Variants in DIPK2A observed in about 807,000 individuals in gnomAD.
DIPK2A encodes Golgi Protein of 49 kDa.
In DIPK2A, 27 loss-of-function variants were observed where a neutral mutation model predicts 39.0. That is an observed-to-expected ratio of 0.69 (90% CI 0.51 to 0.96). The LOEUF (loss-of-function observed/expected upper bound fraction) is 0.96. Ranked by LOEUF, DIPK2A falls within the 40% of genes least tolerant of loss-of-function variation. The pLI is 0.00. For synonymous variants in DIPK2A, 298 were observed against 240.8 expected (o/e 1.24, Z -2.20); for missense variants, 528 against 571.3 (o/e 0.92, Z 0.77).
At chr3:143,973,368 C>T (rs187209208) in intron 1 of DIPK2A, 51 of 1,546,904 alleles carry the variant, frequency 3.3e-5, no homozygotes, top group Middle Eastern at 1.7e-4. Flanking sequence ...GCAGACTGTT[C>T]ACGAGCCCTT....
At chr3:143,978,602 CTATA>C (rs57854747) in intron 1 of DIPK2A, 3 of 137,538 alleles carry the variant, frequency 2.2e-5, no homozygotes, top group Admixed American at 7.4e-5. Flanking sequence ...ATCTATCTAT[CTATA>C]TATATATATC....
chr3:143,972,017 G>A lies in DIPK2A; in HGVS notation c.-316G>A, dbSNP rs907343836. Reference sequence around the variant, plus strand: ...ACGGGCGCGCGACCGTCGGGTCCCCGCGCTCCCTCCCCCTCCCGCTCCTCT... The same window carrying A: ...ACGGGCGCGCGACCGTCGGGTCCCCACGCTCCCTCCCCCTCCCGCTCCTCT... On this transcript the variant is annotated 5_prime_UTR_variant, in exon 1 of 3. Coordinates refer to ENST00000315691, the MANE Select transcript of DIPK2A (RefSeq NM_173552.5). 1 of 310,668 alleles carries A rather than the reference G, an allele frequency of 3.2e-6. No homozygotes were observed. The highest frequency in any genetic ancestry group is 5.9e-6 in the Non-Finnish European group (1 of 169,816). 19.2% of individuals were successfully genotyped at this position (310,668 alleles called of 1,614,324 possible).
At position 143,972,153 on chromosome 3, in the gene DIPK2A, C is replaced by T. The variant is rs2087657795; in HGVS notation, c.-180C>T. ...TGACTGGGAGAAGTCGCAGCCCGCT[C>T]AGGCCCGCGCCTTCCCGCTCCCCGT... is the stretch of plus-strand genomic sequence containing the variant. On this transcript the variant is annotated 5_prime_UTR_variant, in exon 1 of 3. Coordinates refer to ENST00000315691, the MANE Select transcript of DIPK2A (RefSeq NM_173552.5). 4.3e-6 allele frequency: 2 copies of T among 465,942 alleles called. No homozygotes were observed. Among genetic ancestry groups the T allele is most frequent in the East Asian group, 7.1e-5 (2 of 28,322 alleles). 28.9% of individuals were successfully genotyped at this position (465,942 alleles called of 1,614,324 possible).
chr3:143,991,011 A>G lies in DIPK2A; in HGVS notation c.*1170A>G, dbSNP rs2087978876. 1 of 152,354 alleles carries G rather than the reference A, an allele frequency of 6.6e-6. No individual in the cohort carries two copies. Among genetic ancestry groups the G allele is most frequent in the Non-Finnish European group, 1.5e-5 (1 of 67,994 alleles). 9.4% of individuals were successfully genotyped at this position (152,354 alleles called of 1,614,324 possible). The stretch of plus-strand genomic sequence containing the variant: ...CTTTTCATTTATTGAGGAACTAATC[A>G]TTATTACTATAAAGCATACAAATTA... On this transcript the variant is annotated 3_prime_UTR_variant, in exon 3 of 3. Transcript: ENST00000315691.
Position 143,991,355 on chromosome 3 carries a change from A to G in DIPK2A, c.*1514A>G, listed in dbSNP as rs912288540. 2.0e-5 allele frequency: 3 copies of G among 152,652 alleles called. No homozygotes were observed. Among genetic ancestry groups the G allele is most frequent in the Non-Finnish European group, 2.9e-5 (2 of 68,006 alleles). The allele number at this position is 152,652 out of a possible 1,614,324, so 9.5% of individuals were successfully genotyped here. On this transcript the variant is annotated 3_prime_UTR_variant, in exon 3 of 3. Coordinates refer to ENST00000315691, the MANE Select transcript of DIPK2A (RefSeq NM_173552.5). ...CCAGGCACGTTACTAGCTGCTACAT[A>G]CTGTCTGAACATGACATACGGTTAA...
chr3:143,985,530 A>G lies in DIPK2A; in HGVS notation c.658-13A>G, dbSNP rs185507543. On this transcript the variant is annotated splice_polypyrimidine_tract_variant and intron_variant, in intron 1 of 2. Transcript: ENST00000315691. Reference sequence around the variant, plus strand: ...TCAGAATCTCTTGTAATATTAAGATAATTCTTTTGTAGAGTTTTCCGTCTG... The same window carrying G: ...TCAGAATCTCTTGTAATATTAAGATGATTCTTTTGTAGAGTTTTCCGTCTG... 1 of 1,604,844 alleles carries G rather than the reference A, an allele frequency of 6.2e-7. No individual in the cohort carries two copies. Among genetic ancestry groups the G allele is most frequent in the Admixed American group, 1.7e-5 (1 of 59,628 alleles).
intron 1 of DIPK2A, among the ~76,000 whole-genome samples, chr3:143,979,608 C>A (rs1465055599): frequency 6.6e-6 from 1 of 151,976 alleles, no homozygotes; most frequent in African/African-American, 2.4e-5. Context: ...TGTATATACC[C>A]CTGGGACACA....
Position 143,972,700 on chromosome 3 carries a change from A to G in DIPK2A, c.368A>G (p.Gln123Arg), listed in dbSNP as rs2087672334. Residue 123 changes from glutamine to arginine, a missense_variant, in exon 1 of 3, where the codon CAG becomes CGG. By Grantham distance (43) the Gln-to-Arg change is conservative. Transcript: ENST00000315691. Reference sequence around the variant, plus strand: ...CAGCGCGAGCTGGCGCAGCTCGACCAGAGCATCTGCAAGCGGGCCACCGGC... The same window carrying G: ...CAGCGCGAGCTGGCGCAGCTCGACCGGAGCATCTGCAAGCGGGCCACCGGC... ...GSQRELAQLD[Q>R]SICKRATGRP... 6.2e-7 allele frequency: 1 copy of G among 1,605,950 alleles called. No individual in the cohort carries two copies. Among genetic ancestry groups the G allele is most frequent in the East Asian group, 2.2e-5 (1 of 44,702 alleles).
At chr3:143,973,886 C>T (rs2087693486) in intron 1 of DIPK2A, among the ~76,000 whole-genome samples, 1 of 152,154 alleles carries the variant, frequency 6.6e-6, no homozygotes, top group South Asian at 2.1e-4. Context: ...AAAACAAAAA[C>T]ACTGTTTACT....
At position 143,972,407 on chromosome 3, in the gene DIPK2A, G is replaced by A. The variant is rs1407715263; in HGVS notation, c.75G>A (p.Leu25=). 2.0e-6 allele frequency: 3 copies of A among 1,503,740 alleles called. No homozygotes were observed. The highest frequency in any genetic ancestry group is 1.4e-5 in the African/African-American group (1 of 70,102). 93.1% of individuals were successfully genotyped at this position (1,503,740 alleles called of 1,614,324 possible). A position where few individuals can be genotyped will look rare whatever the true frequency, so the allele number is the denominator to read the frequency against. The change falls in exon 1 of 3, where the codon TTG becomes TTA. Residue 25 remains leucine (L), a synonymous_variant. Transcript: ENST00000315691. ...AGCTGGCGGCGCTGGGCAGCCTGTT[G>A]GTGCTGATGGTGCTGCACTCGCCGT... The part of the protein sequence containing the change: ...SLKLAALGSL[L]VLMVLHSPSL...
In DIPK2A at chr3:143,989,500, C is replaced by T. The variant is rs1299201079; in HGVS notation, c.962-10C>T. ...ATTTTTTTCTACTTCTGCTTTTCCT[C>T]CTTTCACAGATAAACCTGAAAATTG... On this transcript the variant is annotated splice_polypyrimidine_tract_variant and intron_variant, in intron 2 of 2. Transcript: ENST00000315691. 1 of 1,579,446 alleles carries T rather than the reference C, an allele frequency of 6.3e-7. No individual in the cohort carries two copies. Among genetic ancestry groups the T allele is most frequent in the African/African-American group, 1.4e-5 (1 of 73,520 alleles).
chr3:143,989,572 T>G lies in DIPK2A; in HGVS notation c.1024T>G (p.Cys342Gly), dbSNP rs143167388. The G allele has an allele frequency of 3.1e-6, 5 of 1,614,222 alleles. No individual in the cohort carries two copies. The East Asian group carries it at 1.1e-4, about 36-fold the overall frequency. The change falls in exon 3 of 3, where the codon TGC becomes GGC. Residue 342 changes from cysteine (C) to glycine (G), a missense_variant. Cys to Gly is a radical substitution (Grantham distance 159). Coordinates refer to ENST00000315691, the MANE Select transcript of DIPK2A (RefSeq NM_173552.5). ...GTTTGATGACTGTGATAAGGAGGCT[T>G]GCTTATCATTTTCAAAAGAAATTCT... ...SKFDDCDKEACLSFSKEILCA... is the reference protein window; with the variant it reads ...SKFDDCDKEAGLSFSKEILCA...
chr3:143,988,840 C>T (rs758831522), intron 2 of DIPK2A, among the ~76,000 whole-genome samples: 2 of 152,166 alleles, frequency 1.3e-5, no homozygotes, highest in Non-Finnish European at 2.9e-5. Flanking sequence ...TGAAATGTTT[C>T]TCCAATCTAG....
At position 143,985,770 on chromosome 3, in the gene DIPK2A, T is replaced by C. The variant is rs752997026; in HGVS notation, c.885T>C (p.Val295=). ...LLDVSFDNFA[V]GPRDGKVIIV... Reference sequence around the variant, plus strand: ...ACGTCAGCTTTGACAATTTTGCAGTTGGTCCTAGAGATGGGAAGGTAATCA... The same window carrying C: ...ACGTCAGCTTTGACAATTTTGCAGTCGGTCCTAGAGATGGGAAGGTAATCA... Residue 295 remains valine, a synonymous_variant, in exon 2 of 3, where the codon GTT becomes GTC. Transcript: ENST00000315691. 4 of 1,614,200 alleles carry C rather than the reference T, an allele frequency of 2.5e-6. No homozygotes were observed. The highest frequency in any genetic ancestry group is 2.5e-6 in the Non-Finnish European group (3 of 1,180,018).
In DIPK2A at chr3:143,985,839, T is replaced by G. The variant is rs746257836; in HGVS notation, c.954T>G (p.Ile318Met). ...ENVLVADKRL[I>M]RQNKPENWDV... Reference sequence around the variant, plus strand: ...TTTTGGTTGCTGACAAAAGATTAATTAGACAAAGTAAGTATATAATTTTAG... The same window carrying G: ...TTTTGGTTGCTGACAAAAGATTAATGAGACAAAGTAAGTATATAATTTTAG... Residue 318 changes from isoleucine (I) to methionine (M), a missense_variant, in exon 2 of 3, where the codon ATT becomes ATG. Physicochemically the swap from Ile to Met is conservative, Grantham distance 10 (BLOSUM62 1). Around this residue, in one of 2 missense-constraint regions of DIPK2A, gnomAD observed 219 missense variants for 281.5 expected, o/e 0.78. Coordinates refer to ENST00000315691, the MANE Select transcript of DIPK2A (RefSeq NM_173552.5). 7 of 1,608,366 alleles carry G rather than the reference T, an allele frequency of 4.4e-6. No homozygotes were observed. The South Asian group carries it at 7.8e-5, about 18-fold the overall frequency.
intron 2 of DIPK2A, among the ~76,000 whole-genome samples, chr3:143,988,555 C>T (rs996015000): frequency 2.6e-5 from 4 of 152,108 alleles, no homozygotes; most frequent in Admixed American, 6.5e-5. Context: ...CTTCCTTCTT[C>T]CCTATACAGC....
At chr3:143,976,247 C>G (rs1043119201) in intron 1 of DIPK2A, among the ~76,000 whole-genome samples, 2 of 151,896 alleles carry the variant, frequency 1.3e-5, no homozygotes, top group African/African-American at 4.8e-5. Flanking sequence ...AAACATCAAG[C>G]AACAAGATAA....
At position 143,976,559 on chromosome 3, in the gene DIPK2A, A is replaced by T. The variant is rs866741102; in HGVS notation, c.657+3570A>T. 1.9e-4 allele frequency among the ~76,000 whole-genome samples: 23 copies of T among 123,068 alleles called. 1 individual carries two copies. The highest frequency in any genetic ancestry group is 6.8e-4 in the African/African-American group (18 of 26,482). The allele number at this position is 123,068 out of a possible 152,430, so 80.7% of individuals were successfully genotyped here. ...GTGTGTGTGTGTGTGTGTGTGTGAG[A>T]GAGAGAGAGAGAGAGAGAGAGAGAG... On this transcript the variant is annotated intron_variant, in intron 1 of 2. Transcript: ENST00000315691.
intron 1 of DIPK2A, among the ~76,000 whole-genome samples, chr3:143,976,712 T>C (rs1397905499): frequency 1.3e-5 from 2 of 152,054 alleles, no homozygotes; most frequent in Non-Finnish European, 2.9e-5. Flanking sequence ...CTGGGAATGT[T>C]ACTATTTGTG....
Sources: allele counts gnomAD v4.1 joint callset (sites outside exome capture counted in the v4.1 genomes callset), GRCh38; gene constraint gnomAD v4.1.1; regional missense constraint gnomAD v4.1.1; transcripts MANE v1.5; gene names NCBI Gene and HGNC (gene_info 2026-07-23, HGNC 2026-07-21).